The following ENTPD1 variants were observed in gnomAD, a reference collection of about 807,000 sequenced individuals.
ENTPD1 encodes the protein ectonucleoside triphosphate diphosphohydrolase 1, also known as ATP diphosphohydrolase.
Under a neutral mutation model 57.0 loss-of-function variants are expected in ENTPD1, and 33 were observed. That is an observed-to-expected ratio of 0.58 (90% CI 0.44 to 0.77). The LOEUF is 0.77. Ranked by LOEUF, ENTPD1 falls within the 30% of genes least tolerant of loss-of-function variation. The pLI, the probability that ENTPD1 is intolerant of heterozygous loss-of-function variation, is 0.00. For synonymous variants in ENTPD1, 202 were observed against 218.8 expected (o/e 0.92, Z 0.68); for missense variants, 501 against 603.4 (o/e 0.83, Z 1.78).
intron 7 of ENTPD1, among the ~76,000 whole-genome samples, chr10:95,859,872 A>G (rs1168429490): frequency 6.6e-6 from 1 of 152,108 alleles, no homozygotes; most frequent in Non-Finnish European, 1.5e-5. Flanking sequence ...ACTGATTTGA[A>G]CTTTTAACTT....
chr10:95,771,319 A>G (rs957688428), intron 1 of ENTPD1, among the ~76,000 whole-genome samples: 14 of 152,292 alleles, frequency 9.2e-5, no homozygotes, highest in Middle Eastern at 3.4e-3. Context: ...CAAATATATA[A>G]TTATATTATA....
In ENTPD1 at chr10:95,870,572, C is replaced by T; in HGVS notation, c.*4189C>T. Reference sequence around the variant, plus strand: ...GAGATTACAGGCGTAAGCCACTGCACCTGGCCAAGATGAATATTTTAATAG... The same window carrying T: ...GAGATTACAGGCGTAAGCCACTGCATCTGGCCAAGATGAATATTTTAATAG... On this transcript the variant is annotated 3_prime_UTR_variant, in exon 10 of 10. Transcript: ENST00000371205. The T allele has an allele frequency of 1.0e-6, 1 of 985,448 alleles. No homozygotes were observed. The highest frequency in any genetic ancestry group is 1.2e-6 in the Non-Finnish European group (1 of 829,938). The allele number at this position is 985,448 out of a possible 1,614,324, so 61.0% of individuals were successfully genotyped here. A position where few individuals can be genotyped will look rare whatever the true frequency, so the allele number is the denominator to read the frequency against.
Position 95,866,609 on chromosome 10 carries a change from A to G in ENTPD1, c.*226A>G. On this transcript the variant is annotated 3_prime_UTR_variant, in exon 10 of 10. Transcript: ENST00000371205. ...TCTCTTTCATGAGTTTTTCCCAGCT[A>G]CACCTTTCTCCTTTGTACTTTGTGC... is the stretch of plus-strand genomic sequence containing the variant. 7.2e-7 allele frequency: 1 copy of G among 1,391,662 alleles called. No individual in the cohort carries two copies. The highest frequency in any genetic ancestry group is 1.5e-5 in the South Asian group (1 of 66,514). 86.2% of individuals were successfully genotyped at this position (1,391,662 alleles called of 1,614,324 possible).
chr10:95,866,486 G>T lies in ENTPD1; in HGVS notation c.*103G>T. ...AGGCCATCCTTCCCTGTCTGCCAGG[G>T]CCAGTCTTGACGAGTGTGAAGCTTC... On this transcript the variant is annotated 3_prime_UTR_variant, in exon 10 of 10. Transcript: ENST00000371205. 4 of 1,558,546 alleles carry T rather than the reference G, an allele frequency of 2.6e-6. No individual in the cohort carries two copies. The highest frequency in any genetic ancestry group is 3.5e-6 in the Non-Finnish European group (4 of 1,152,936).
At chr10:95,711,353 T>C (rs2097965438), upstream of ENTPD1, among the ~76,000 whole-genome samples, 3 of 152,240 alleles carry the variant, frequency 2.0e-5, no homozygotes, top group Admixed American at 1.3e-4. Context: ...AGAATCTAGA[T>C]AGACAGCATT....
intron 1 of ENTPD1, among the ~76,000 whole-genome samples, chr10:95,820,386 G>A (rs1182493603): frequency 6.6e-6 from 1 of 152,118 alleles, no homozygotes; most frequent in African/African-American, 2.4e-5. Context: ...TAGGATGAAA[G>A]GCTTGCATAT....
chr10:95,719,596 C>A (rs973887084), intron 1 of ENTPD1, among the ~76,000 whole-genome samples: 42 of 152,166 alleles, frequency 2.8e-4, no homozygotes, highest in Non-Finnish European at 5.7e-4. Flanking sequence ...CTGCTGTGAG[C>A]AGAGCTGAGC....
intron 1 of ENTPD1, among the ~76,000 whole-genome samples, chr10:95,806,995 G>A (rs902797789): frequency 2.6e-5 from 4 of 152,180 alleles, no homozygotes; most frequent in East Asian, 1.9e-4. Flanking sequence ...CAATCTGTCC[G>A]TTTTCAGAGC....
chr10:95,753,426 CT>C (rs2098015252), upstream of ENTPD1: 1 of 152,138 alleles, frequency 6.6e-6, no homozygotes, highest in South Asian at 2.1e-4. Context: ...TGTCAAAAGG[CT>C]CATGTAATAT....
rs1444044295 is a variant in ENTPD1, at chr10:95,870,825, A to G, written c.*4442A>G. The G allele has an allele frequency of 1.0e-5, 10 of 985,266 alleles. No homozygotes were observed. Among genetic ancestry groups the G allele is most frequent in the African/African-American group, 1.7e-5 (1 of 57,218 alleles). 61.0% of individuals were successfully genotyped at this position (985,266 alleles called of 1,614,324 possible). ...TCTTTCCATTTGTATTAGGTCCTTTACTTTTTATAACAGCCTCAAAGTTTC... is the reference window on the plus strand; with the variant it reads ...TCTTTCCATTTGTATTAGGTCCTTTGCTTTTTATAACAGCCTCAAAGTTTC... On this transcript the variant is annotated 3_prime_UTR_variant, in exon 10 of 10. Transcript: ENST00000371205.
intron 9 of ENTPD1, among the ~76,000 whole-genome samples, chr10:95,865,807 A>AC (rs2098473285): frequency 6.6e-6 from 1 of 152,044 alleles, no homozygotes; most frequent in African/African-American, 2.4e-5. Flanking sequence ...TCACGCTGTC[A>AC]CCCAGGCTGG....
At chr10:95,828,483 T>C (rs773857845) in intron 2 of ENTPD1, among the ~76,000 whole-genome samples, 4 of 152,096 alleles carry the variant, frequency 2.6e-5, no homozygotes, top group African/African-American at 7.2e-5. Context: ...CCAAAACCAT[T>C]TCCCCCTCCT....
intron 1 of ENTPD1, among the ~76,000 whole-genome samples, chr10:95,809,274 C>T (rs1048871154): frequency 1.3e-5 from 2 of 151,944 alleles, no homozygotes; most frequent in African/African-American, 2.4e-5. Context: ...GGCAGAGGCA[C>T]CCCCCACATC....
In ENTPD1 at chr10:95,846,558, G is replaced by A. The variant is rs187418602; in HGVS notation, c.814-888G>A. Among the ~76,000 whole-genome samples the A allele has an allele frequency of 4.6e-5, 7 of 152,174 alleles. No individual in the cohort carries two copies. In the East Asian group the frequency reaches 1.2e-3, roughly 25 times the overall value. Reference sequence around the variant, plus strand: ...GCTCTCCTCCAAAGCATTCTCTCTGGTTTTCAAAACCACTACCAATAAGAT... The same window carrying A: ...GCTCTCCTCCAAAGCATTCTCTCTGATTTTCAAAACCACTACCAATAAGAT... On this transcript the variant is annotated intron_variant, in intron 6 of 9. Coordinates refer to ENST00000371205, the MANE Select transcript of ENTPD1 (RefSeq NM_001776.6).
intron 1 of ENTPD1, among the ~76,000 whole-genome samples, chr10:95,805,333 A>T (rs112202567): frequency 0.055 from 8,338 of 151,454 alleles, 268 homozygotes; most frequent in South Asian, 0.088. Context: ...TTTGCTTTCC[A>T]TTTGCTTGTT....
At chr10:95,753,607 T>G (rs1246988461), upstream of ENTPD1, 1 of 152,182 alleles carries the variant, frequency 6.6e-6, no homozygotes, top group Non-Finnish European at 1.5e-5. Flanking sequence ...CCTGATGAAA[T>G]GTAAAGAGAA....
At chr10:95,709,505 T>C (rs1204041902), upstream of ENTPD1, among the ~76,000 whole-genome samples, 1 of 151,880 alleles carries the variant, frequency 6.6e-6, no homozygotes, top group Non-Finnish European at 1.5e-5. Context: ...TGCCTCAGCC[T>C]CCCGAGTACC....
intron 1 of ENTPD1, among the ~76,000 whole-genome samples, chr10:95,814,001 A>G (rs2098319960): frequency 1.3e-5 from 2 of 152,342 alleles, no homozygotes; most frequent in South Asian, 4.1e-4. Flanking sequence ...GCTTTGAGAA[A>G]GGGTAGAGTC....
At chr10:95,765,928 A>G (rs968851346) in intron 1 of ENTPD1, among the ~76,000 whole-genome samples, 1 of 151,490 alleles carries the variant, frequency 6.6e-6, no homozygotes, top group African/African-American at 2.4e-5. Flanking sequence ...CCTAAGTATG[A>G]TTTTCTTTTT....
Sources: gnomAD v4.1 joint callset for allele counts (sites outside exome capture counted in the v4.1 genomes callset) on GRCh38, gnomAD v4.1.1 for gene constraint, MANE v1.5 for transcripts, NCBI Gene and HGNC (gene_info 2026-07-23, HGNC 2026-07-21) for gene names.